Variants in PCNX1 observed in about 807,000 individuals in gnomAD.
The protein encoded by PCNX1 is pecanex-like protein 1.
A neutral mutation model predicts 242.2 loss-of-function variants in PCNX1; 78 were observed. That is an observed-to-expected ratio of 0.32 (90% CI 0.27 to 0.39). The LOEUF is 0.39. PCNX1 is among the 10% of genes least tolerant of loss of function. The probability of loss-of-function intolerance (pLI) is 1.00; values close to 1 mark genes in which losing one functional copy is unlikely to be tolerated. For synonymous variants in PCNX1, 1,024 were observed against 1,032.9 expected (o/e 0.99, Z 0.17); for missense variants, 2,581 against 2,856.5 (o/e 0.90, Z 2.20).
rs956068104 is a variant in PCNX1, at chr14:71,114,841, G to A, written c.*4906G>A. On this transcript the variant is annotated 3_prime_UTR_variant, in exon 36 of 36. Coordinates refer to ENST00000304743, the MANE Select transcript of PCNX1 (RefSeq NM_014982.3). The stretch of plus-strand genomic sequence containing the variant: ...GAATTCACAACAGAGTAGTGATAGA[G>A]CATAAGATGGCTGCTCCAGATGACT... The A allele has an allele frequency of 2.0e-5, 3 of 148,048 alleles. No homozygotes were observed. Among genetic ancestry groups the A allele is most frequent in the African/African-American group, 2.5e-5 (1 of 40,160 alleles). 9.2% of individuals were successfully genotyped at this position (148,048 alleles called of 1,614,324 possible).
intron 1 of PCNX1, among the ~76,000 whole-genome samples, chr14:70,945,265 A>C (rs927216320): frequency 6.6e-6 from 1 of 152,214 alleles, no homozygotes; most frequent in Non-Finnish European, 1.5e-5. Flanking sequence ...GACCAAATAC[A>C]TATTTCACAA....
chr14:71,072,177 A>G (rs1420584183), intron 26 of PCNX1, among the ~76,000 whole-genome samples: 1 of 152,192 alleles, frequency 6.6e-6, no homozygotes, highest in Non-Finnish European at 1.5e-5. Context: ...AATGGTACCA[A>G]TAGATTTGCT....
chr14:71,001,941 G>T (rs1277138366), intron 8 of PCNX1, among the ~76,000 whole-genome samples: 3 of 152,222 alleles, frequency 2.0e-5, no homozygotes, highest in Non-Finnish European at 4.4e-5. Context: ...AAAGGTCAAG[G>T]ACATCTAGCC....
intron 1 of PCNX1, among the ~76,000 whole-genome samples, chr14:70,913,556 A>G (rs1333121956): frequency 1.3e-5 from 2 of 152,216 alleles, no homozygotes; most frequent in African/African-American, 4.8e-5. Flanking sequence ...TTCAGACTCT[A>G]AATCATTAAC....
chr14:71,105,454 A>C lies in PCNX1; in HGVS notation c.6301+14A>C, dbSNP rs2062586796. On this transcript the variant is annotated intron_variant, in intron 33 of 35. Coordinates refer to ENST00000304743, the MANE Select transcript of PCNX1 (RefSeq NM_014982.3). Reference sequence around the variant, plus strand: ...CTCCAACACTAGGTAATGTGAAACAAAGTTATATGTCTAATGTTAGCTTCT... The same window carrying C: ...CTCCAACACTAGGTAATGTGAAACACAGTTATATGTCTAATGTTAGCTTCT... 2.5e-6 allele frequency: 4 copies of C among 1,592,064 alleles called. No homozygotes were observed. The South Asian group carries it at 4.4e-5, about 18-fold the overall frequency.
chr14:70,957,025 T>C (rs1295311073), intron 2 of PCNX1, among the ~76,000 whole-genome samples: 2 of 152,008 alleles, frequency 1.3e-5, no homozygotes, highest in East Asian at 3.8e-4. Flanking sequence ...AGACAGGGTC[T>C]TGCTCTGTTG....
In PCNX1 at chr14:71,109,858, G is replaced by A. The variant is rs1340500222; in HGVS notation, c.6949G>A (p.Val2317Met). 1 of 1,612,784 alleles carries A rather than the reference G, an allele frequency of 6.2e-7. No individual in the cohort carries two copies. The highest frequency in any genetic ancestry group is 1.1e-5 in the South Asian group (1 of 91,044). The change falls in exon 36 of 36, where the codon GTG (valine) becomes ATG (methionine). Residue 2317 changes from valine (V) to methionine (M), a missense_variant. Coordinates refer to ENST00000304743, the MANE Select transcript of PCNX1 (RefSeq NM_014982.3). ...TACCAGATCCCACATCGACAAGGCAGTGCTTCTGGTCCAGATTGATGATAA... is the reference window on the plus strand; with the variant it reads ...TACCAGATCCCACATCGACAAGGCAATGCTTCTGGTCCAGATTGATGATAA... Reference protein sequence around the residue: ...PGTRSHIDKAVLLVQIDDKYV... With the variant: ...PGTRSHIDKAMLLVQIDDKYV...
chr14:71,035,390 A>G (rs1420557787), intron 18 of PCNX1, among the ~76,000 whole-genome samples: 1 of 152,236 alleles, frequency 6.6e-6, no homozygotes, highest in African/African-American at 2.4e-5. Context: ...TTGGTATTAC[A>G]GTGTCAAAGC....
intron 19 of PCNX1, among the ~76,000 whole-genome samples, chr14:71,041,420 A>C (rs550337304): frequency 6.6e-6 from 1 of 151,996 alleles, no homozygotes; most frequent in South Asian, 2.1e-4. Flanking sequence ...TTCATTTTTC[A>C]ATCTTGTTAG....
At chr14:70,971,875 G>A (rs1238137728) in intron 5 of PCNX1, among the ~76,000 whole-genome samples, 1 of 152,162 alleles carries the variant, frequency 6.6e-6, no homozygotes, top group Admixed American at 6.5e-5. Context: ...AGTAAGTGAA[G>A]GGCCAAACAG....
intron 1 of PCNX1, among the ~76,000 whole-genome samples, chr14:70,936,113 C>T (rs1009394287): frequency 6.6e-6 from 1 of 152,034 alleles, no homozygotes; most frequent in African/African-American, 2.4e-5. Context: ...AATTAAACAA[C>T]TAGGAATTTT....
intron 19 of PCNX1, chr14:71,044,757 C>T (rs2060810721): frequency 5.6e-6 from 1 of 180,044 alleles, no homozygotes; most frequent in Non-Finnish European, 1.2e-5. Flanking sequence ...CCAACTGTTC[C>T]GGGTGGACCC....
intron 1 of PCNX1, among the ~76,000 whole-genome samples, chr14:70,916,563 C>G (rs951900792): frequency 3.3e-5 from 5 of 152,168 alleles, no homozygotes; most frequent in Non-Finnish European, 7.4e-5. Flanking sequence ...TTACATTATG[C>G]TGTAGTCTGT....
intron 1 of PCNX1, among the ~76,000 whole-genome samples, chr14:70,929,454 T>C (rs2140146672): frequency 6.6e-6 from 1 of 152,310 alleles, no homozygotes; most frequent in South Asian, 2.1e-4. Context: ...TTGTTTTTCT[T>C]GTGTGTGTTT....
At chr14:71,036,896 G>A (rs907221555) in intron 19 of PCNX1, among the ~76,000 whole-genome samples, 7 of 152,040 alleles carry the variant, frequency 4.6e-5, no homozygotes, top group African/African-American at 9.7e-5. Context: ...CCATTTTCAC[G>A]ATATTTATTC....
chr14:70,931,212 G>C (rs965115332), intron 1 of PCNX1, among the ~76,000 whole-genome samples: 2 of 152,132 alleles, frequency 1.3e-5, no homozygotes, highest in Non-Finnish European at 2.9e-5. Context: ...AAAAGCCAAA[G>C]GGGGTTTTTC....
chr14:71,074,222 ACT>A (rs2061655384), intron 27 of PCNX1, among the ~76,000 whole-genome samples: 1 of 152,178 alleles, frequency 6.6e-6, no homozygotes, highest in South Asian at 2.1e-4. Context: ...GGCTTGTCTG[ACT>A]CTTGAGCCCT....
chr14:71,012,558 G>T (rs372544896), intron 10 of PCNX1: 2 of 214,982 alleles, frequency 9.3e-6, no homozygotes, highest in African/African-American at 2.4e-5. Context: ...TAGGCTGGGC[G>T]CAGTGGCTCC....
chr14:70,977,084 CCAT>C lies in PCNX1; in HGVS notation c.748_750del (p.His250del). ...ACCTGCCAAGTCATAACCACCACCA[CCAT>C]GTTGATCAGTCTCTGTCCAGCGCCT... On this transcript the variant is annotated inframe_deletion, in exon 6 of 36. Coordinates refer to ENST00000304743, the MANE Select transcript of PCNX1 (RefSeq NM_014982.3). 2 of 1,614,176 alleles carry C rather than the reference CCAT, an allele frequency of 1.2e-6. No individual in the cohort carries two copies. Among genetic ancestry groups the C allele is most frequent in the Middle Eastern group, 1.6e-4 (1 of 6,062 alleles).
Sources: allele counts gnomAD v4.1 joint callset (sites outside exome capture counted in the v4.1 genomes callset), GRCh38; gene constraint gnomAD v4.1.1; transcripts MANE v1.5; gene names NCBI Gene and HGNC (gene_info 2026-07-23, HGNC 2026-07-21).